MYPN: variants seen among roughly 807,000 people sequenced by gnomAD.
The protein encoded by MYPN is myopalladin, also known as sarcomeric protein myopalladin, 145 kDa (MYOP).
Under a neutral mutation model 129.4 loss-of-function variants are expected in MYPN, and 63 were observed. The observed-to-expected ratio is 0.49, with a 90% CI of 0.40 to 0.60. MYPN has a LOEUF of 0.60. Among genes scored for constraint, MYPN ranks in the 20% least tolerant of loss-of-function variants. The pLI is 0.00. For missense variants in MYPN, 1,596 were observed against 1,635.4 expected, an observed-to-expected ratio of 0.98 and a Z score of 0.42; for synonymous variants, 629 against 600.9, an observed-to-expected ratio of 1.05 and a Z score of -0.68.
upstream of MYPN, among the ~76,000 whole-genome samples, chr10:68,101,188 T>TA: frequency 6.6e-6 from 1 of 152,028 alleles, no homozygotes. Context: ...CATAAATACG[T>TA]AAAAAAAGAC....
At chr10:68,108,428 A>G (rs2042038544), upstream of MYPN, among the ~76,000 whole-genome samples, 1 of 152,212 alleles carries the variant, frequency 6.6e-6, no homozygotes, top group African/African-American at 2.4e-5. Context: ...GCACTGTTTT[A>G]TACTCAGTAC....
intron 7 of MYPN, 80 bp from the exon 8 acceptor site, chr10:68,161,649 A>C (rs1392759080): frequency 1.8e-5 from 21 of 1,155,762 alleles, no homozygotes; most frequent in Non-Finnish European, 2.7e-5. Flanking sequence ...AGACTGTGAA[A>C]TTCTATAGGA....
intron 6 of MYPN, among the ~76,000 whole-genome samples, chr10:68,154,109 A>T (rs143877279): frequency 6.6e-6 from 1 of 152,240 alleles, no homozygotes; most frequent in Non-Finnish European, 1.5e-5. Context: ...TACTCTACTC[A>T]TAGGTGATAC....
chr10:68,162,979 C>A (rs2043001389), intron 8 of MYPN, among the ~76,000 whole-genome samples: 1 of 151,894 alleles, frequency 6.6e-6, no homozygotes, highest in Non-Finnish European at 1.5e-5. Context: ...AATTCATGGC[C>A]TGAAAAAAAT....
At chr10:68,155,010 T>C (rs1004776853) in intron 6 of MYPN, among the ~76,000 whole-genome samples, 2 of 151,682 alleles carry the variant, frequency 1.3e-5, no homozygotes, top group Non-Finnish European at 2.9e-5. Context: ...CAAAACCCCG[T>C]CTCTAACTAA....
chr10:68,106,063 G>A (rs1173588779), upstream of MYPN: 8 of 449,408 alleles, frequency 1.8e-5, no homozygotes, highest in Non-Finnish European at 3.6e-5. Context: ...TCATTACTCT[G>A]GCGGGGCAGT....
intron 1 of MYPN, among the ~76,000 whole-genome samples, chr10:68,091,157 G>A (rs761295768): frequency 2.6e-5 from 4 of 151,982 alleles, no homozygotes; most frequent in Non-Finnish European, 4.4e-5. Flanking sequence ...TGCTGGGTAG[G>A]CATGGACTGG....
intron 12 of MYPN, among the ~76,000 whole-genome samples, chr10:68,181,941 G>A (rs2043319484): frequency 6.6e-6 from 1 of 152,008 alleles, no homozygotes; most frequent in South Asian, 2.1e-4. Flanking sequence ...CCCAGGGTTA[G>A]GGGTGGAGGT....
In MYPN at chr10:68,195,590, G is replaced by A. The variant is rs377198383; in HGVS notation, c.3158+58G>A. Reference sequence around the variant, plus strand: ...CCTTCCCAAGCACCTGCCCACTATCGTGAGCACCAAAGTACTGGATCCACA... The same window carrying A: ...CCTTCCCAAGCACCTGCCCACTATCATGAGCACCAAAGTACTGGATCCACA... On this transcript the variant is annotated intron_variant, in intron 15 of 19. Coordinates refer to ENST00000358913, the MANE Select transcript of MYPN (RefSeq NM_032578.4). 3.2e-5 allele frequency: 44 copies of A among 1,369,214 alleles called. 1 individual carries two copies. The highest frequency in any genetic ancestry group is 1.8e-4 in the Middle Eastern group (1 of 5,598). 84.8% of individuals were successfully genotyped at this position (1,369,214 alleles called of 1,614,324 possible).
At chr10:68,106,843 A>G (rs1440804274), upstream of MYPN, 1 of 715,928 alleles carries the variant, frequency 1.4e-6, no homozygotes, top group African/African-American at 1.7e-5. Context: ...GAATTAAGAA[A>G]ACAGCTGAAG....
chr10:68,113,542 TAA>T (rs1388104099), intron 1 of MYPN, among the ~76,000 whole-genome samples: 1 of 151,922 alleles, frequency 6.6e-6, no homozygotes, highest in Non-Finnish European at 1.5e-5. Flanking sequence ...CAACCAATTT[TAA>T]AAGTTATCTG....
At chr10:68,129,287 T>C (rs1187466529) in intron 2 of MYPN, among the ~76,000 whole-genome samples, 5 of 152,206 alleles carry the variant, frequency 3.3e-5, no homozygotes, top group African/African-American at 1.2e-4. Context: ...TTTGAAGGTT[T>C]TCATAATGAA....
intron 1 of MYPN, among the ~76,000 whole-genome samples, chr10:68,093,524 G>A (rs1246370229): frequency 1.3e-5 from 2 of 150,526 alleles, no homozygotes; most frequent in African/African-American, 2.5e-5. Flanking sequence ...AAATCACGAG[G>A]TCAGCAGATC....
At chr10:68,145,640 C>CA in intron 4 of MYPN, 114 bp downstream of exon 4, 7 of 811,810 alleles carry the variant, frequency 8.6e-6, no homozygotes, top group Non-Finnish European at 1.2e-5. Flanking sequence ...GGTTTGACCA[C>CA]AAAAATAAAT....
chr10:68,204,257 C>CA (rs898149165), intron 18 of MYPN, among the ~76,000 whole-genome samples: 1 of 152,188 alleles, frequency 6.6e-6, no homozygotes, highest in Non-Finnish European at 1.5e-5. Context: ...CAATGCCTTT[C>CA]ACCTAGTAGC....
At chr10:68,193,461 A>T (rs2043548921) in intron 13 of MYPN, among the ~76,000 whole-genome samples, 1 of 152,236 alleles carries the variant, frequency 6.6e-6, no homozygotes, top group Admixed American at 6.5e-5. Flanking sequence ...TATCTATTTA[A>T]TATCCACAGG....
intron 14 of MYPN, among the ~76,000 whole-genome samples, chr10:68,194,823 C>A (rs2043577757): frequency 6.6e-6 from 1 of 152,172 alleles, no homozygotes; most frequent in South Asian, 2.1e-4. Context: ...GTCAATAAAT[C>A]ATTATATCAA....
intron 12 of MYPN, among the ~76,000 whole-genome samples, chr10:68,186,454 G>A (rs1330048453): frequency 6.6e-6 from 1 of 152,120 alleles, no homozygotes; most frequent in Non-Finnish European, 1.5e-5. Flanking sequence ...CTAGGGGCAG[G>A]TGCATATCAG....
At chr10:68,108,263 C>T (rs897298307), upstream of MYPN, among the ~76,000 whole-genome samples, 1 of 151,900 alleles carries the variant, frequency 6.6e-6, no homozygotes, top group Non-Finnish European at 1.5e-5. Flanking sequence ...AGCATAAAAC[C>T]ACATAAAAAA....
Sources: allele counts gnomAD v4.1 joint callset (sites outside exome capture counted in the v4.1 genomes callset), GRCh38; gene constraint gnomAD v4.1.1; transcripts MANE v1.5; gene names NCBI Gene and HGNC (gene_info 2026-07-23, HGNC 2026-07-21).